The following DDAH1 variants were observed in gnomAD, a reference collection of about 807,000 sequenced individuals.
The protein encoded by DDAH1 is dimethylarginine dimethylaminohydrolase 1, also known as N(G),N(G)-dimethylarginine dimethylaminohydrolase 1.
Under a neutral mutation model 28.8 loss-of-function variants are expected in DDAH1, and 19 were observed. The observed-to-expected ratio is 0.66, with a 90% CI of 0.46 to 0.97. The LOEUF (loss-of-function observed/expected upper bound fraction) is 0.97, where lower values mean the gene tolerates loss of function less well. Ranked by LOEUF, DDAH1 falls within the 50% of genes least tolerant of loss-of-function variation. The pLI is 0.00. For synonymous variants in DDAH1, 153 were observed against 154.4 expected (o/e 0.99, Z 0.07); for missense variants, 326 against 375.9 (o/e 0.87, Z 1.10).
Position 85,398,038 on chromosome 1 carries a change from A to G in DDAH1, c.304-39191T>C, listed in dbSNP as rs1175846337. On this transcript the variant is annotated intron_variant, in intron 1 of 5. Coordinates refer to ENST00000284031, the MANE Select transcript of DDAH1 (RefSeq NM_012137.4). ...TACCCAGTCTCACATATTCCTTTAT[A>G]GCAACACAAAGTGGACTTACACACA... 2.0e-5 allele frequency among the ~76,000 whole-genome samples: 3 copies of G among 150,398 alleles called. No individual in the cohort carries two copies. The East Asian group carries it at 5.9e-4, about 29-fold the overall frequency.
intron 1 of DDAH1, among the ~76,000 whole-genome samples, chr1:85,390,417 C>T (rs2100553168): frequency 6.6e-6 from 1 of 152,270 alleles, no homozygotes; most frequent in East Asian, 1.9e-4. Context: ...ATAGGAACTA[C>T]AAGATGAGAT....
chr1:85,563,934 G>A (rs1359194536), intron 1 of DDAH1, among the ~76,000 whole-genome samples: 3 of 152,212 alleles, frequency 2.0e-5, no homozygotes, highest in Non-Finnish European at 2.9e-5. Flanking sequence ...AGCACTTTGG[G>A]AGGCCAAGTT....
intron 1 of DDAH1, among the ~76,000 whole-genome samples, chr1:85,381,163 G>A (rs1465783885): frequency 6.6e-6 from 1 of 151,494 alleles, no homozygotes; most frequent in Non-Finnish European, 1.5e-5. Flanking sequence ...GAACCTGGGA[G>A]GTGGAGGTTG....
chr1:85,524,173 A>G (rs1386195433), intron 1 of DDAH1, among the ~76,000 whole-genome samples: 1 of 152,004 alleles, frequency 6.6e-6, no homozygotes, highest in Non-Finnish European at 1.5e-5. Flanking sequence ...GTGTGTACAC[A>G]ATGGAGACAC....
chr1:85,330,622 A>G (rs1180154941), intron 4 of DDAH1, among the ~76,000 whole-genome samples: 1 of 152,226 alleles, frequency 6.6e-6, no homozygotes, highest in Non-Finnish European at 1.5e-5. Flanking sequence ...TCAACTCTGA[A>G]TGATACAAAT....
At position 85,502,593 on chromosome 1, in the gene DDAH1, T is replaced by C. The variant is rs537516216; in HGVS notation, c.-122-6312A>G. On this transcript the variant is annotated intron_variant, in intron 1 of 6. Coordinates refer to the DDAH1 transcript ENST00000426972. Reference sequence around the variant, plus strand: ...TGGCTTCAGCCTGGTAAGAGGCTGCTTCCCATCTTAGTACCTCCCTAAGAA... The same window carrying C: ...TGGCTTCAGCCTGGTAAGAGGCTGCCTCCCATCTTAGTACCTCCCTAAGAA... Among the ~76,000 whole-genome samples, 177 of 152,302 alleles carry C rather than the reference T, an allele frequency of 1.2e-3. 1 individual carries two copies. Among genetic ancestry groups the C allele is most frequent in the African/African-American group, 4.1e-3 (171 of 41,566 alleles).
chr1:85,358,416 G>A (rs1026658250), intron 2 of DDAH1, among the ~76,000 whole-genome samples: 25 of 152,142 alleles, frequency 1.6e-4, no homozygotes, highest in African/African-American at 4.6e-4. Flanking sequence ...TTGGGAGGCC[G>A]AGGTGTGCAG....
Position 85,319,993 on chromosome 1 carries a change from CTCTT to C in DDAH1, c.*1455_*1458del, listed in dbSNP as rs938386109. 1 of 152,168 alleles carries C rather than the reference CTCTT, an allele frequency of 6.6e-6. No homozygotes were observed. Among genetic ancestry groups the C allele is most frequent in the Admixed American group, 6.5e-5 (1 of 15,282 alleles). The allele number at this position is 152,168 out of a possible 1,614,324, so 9.4% of individuals were successfully genotyped here. A position where few individuals can be genotyped will look rare whatever the true frequency, so the allele number is the denominator to read the frequency against. On this transcript the variant is annotated 3_prime_UTR_variant, in exon 6 of 6. Coordinates refer to ENST00000284031, the MANE Select transcript of DDAH1 (RefSeq NM_012137.4). ...AAGATTTGAAGTGATACTTCTTAAT[CTCTT>C]TGATTCTTAATCTTAAACAACAAGC...
intron 4 of DDAH1, among the ~76,000 whole-genome samples, chr1:85,347,130 G>A (rs1648899584): frequency 1.3e-5 from 2 of 152,164 alleles, no homozygotes; most frequent in African/African-American, 2.4e-5. Context: ...GTGCTGGAGA[G>A]GATGTGGAGA....
chr1:85,322,284 T>C (rs233118), intron 5 of DDAH1, among the ~76,000 whole-genome samples: 55,643 of 152,034 alleles, frequency 0.37, 10,296 homozygotes, highest in South Asian at 0.42. Flanking sequence ...TTACCAACAC[T>C]GCTGGAAAAA....
chr1:85,567,533 T>A (rs774189389), intron 1 of DDAH1, among the ~76,000 whole-genome samples: 2 of 152,216 alleles, frequency 1.3e-5, no homozygotes, highest in Non-Finnish European at 2.9e-5. Context: ...TCTTTAGCCA[T>A]GTGGGACTGT....
intron 1 of DDAH1, among the ~76,000 whole-genome samples, chr1:85,545,850 G>A (rs1266040885): frequency 6.6e-6 from 1 of 152,066 alleles, no homozygotes; most frequent in East Asian, 1.9e-4. Context: ...TTCCTTCTGA[G>A]GAGGCAAAAG....
intron 1 of DDAH1, among the ~76,000 whole-genome samples, chr1:85,452,775 C>G (rs952732583): frequency 1.3e-5 from 2 of 152,166 alleles, no homozygotes; most frequent in African/African-American, 4.8e-5. Context: ...TCAAGACGAC[C>G]TGCATGGAGG....
At chr1:85,369,863 A>T (rs754087365) in intron 1 of DDAH1, among the ~76,000 whole-genome samples, 3 of 152,300 alleles carry the variant, frequency 2.0e-5, no homozygotes, top group Non-Finnish European at 4.4e-5. Context: ...AAAGTGTGAC[A>T]TTTGTGCTGA....
intron 1 of DDAH1, among the ~76,000 whole-genome samples, chr1:85,554,099 T>C (rs1203322714): frequency 2.0e-5 from 3 of 152,218 alleles, no homozygotes; most frequent in African/African-American, 7.2e-5. Context: ...TTTTCAACCA[T>C]TCTTTTGAGC....
chr1:85,446,398 A>T (rs533481076), intron 1 of DDAH1, among the ~76,000 whole-genome samples: 1 of 152,150 alleles, frequency 6.6e-6, no homozygotes, highest in Non-Finnish European at 1.5e-5. Flanking sequence ...CCGTGATTCA[A>T]TTACCTCTAC....
chr1:85,406,019 T>C (rs1652390126), intron 1 of DDAH1, among the ~76,000 whole-genome samples: 1 of 152,244 alleles, frequency 6.6e-6, no homozygotes, highest in South Asian at 2.1e-4. Context: ...GGACCCACTA[T>C]GTGCCAGGGC....
At chr1:85,481,240 G>A (rs574329390) in intron 2 of DDAH1, among the ~76,000 whole-genome samples, 1 of 151,800 alleles carries the variant, frequency 6.6e-6, no homozygotes, top group African/African-American at 2.4e-5. Context: ...TGAGATGACA[G>A]GTGTGTGCCA....
chr1:85,475,704 C>G (rs1438652735), intron 2 of DDAH1, among the ~76,000 whole-genome samples: 1 of 152,176 alleles, frequency 6.6e-6, no homozygotes, highest in East Asian at 1.9e-4. Flanking sequence ...TTCCATATAT[C>G]GGGACCTGCA....
Sources: gnomAD v4.1 joint callset for allele counts (sites outside exome capture counted in the v4.1 genomes callset) on GRCh38, gnomAD v4.1.1 for gene constraint, MANE v1.5 for transcripts, NCBI Gene and HGNC (gene_info 2026-07-23, HGNC 2026-07-21) for gene names.